Variants in ZCCHC17 observed in about 807,000 individuals in gnomAD.
ZCCHC17 encodes zinc finger CCHC-type containing 17.
ZCCHC17 carries 18 observed loss-of-function variants against 30.6 expected under a neutral mutation model. The ratio of observed to expected loss-of-function variants is 0.59; its 90% CI spans 0.41 to 0.87. The LOEUF is 0.87. ZCCHC17 is among the 40% of genes least tolerant of loss of function. The probability of loss-of-function intolerance (pLI) is 0.00; values close to 1 mark genes in which losing one functional copy is unlikely to be tolerated. For synonymous variants in ZCCHC17, 88 were observed against 92.4 expected (o/e 0.95, Z 0.27); for missense variants, 263 against 284.2 (o/e 0.93, Z 0.54).
intron 5 of ZCCHC17, 91 bp from the exon 6 acceptor site, chr1:31,346,549 A>T: frequency 2.8e-6 from 4 of 1,436,634 alleles, no homozygotes; most frequent in Non-Finnish European, 3.7e-6. Flanking sequence ...TTTCCCTGCC[A>T]AAAACAAAAA....
chr1:31,336,921 G>A (rs1638841117), intron 3 of ZCCHC17, among the ~76,000 whole-genome samples: 1 of 146,876 alleles, frequency 6.8e-6, no homozygotes, highest in African/African-American at 2.5e-5. Context: ...CAATCTGCCC[G>A]CCTCAGCCTT....
intron 1 of ZCCHC17, among the ~76,000 whole-genome samples, chr1:31,297,988 A>C (rs574967026): frequency 6.6e-6 from 1 of 152,322 alleles, no homozygotes; most frequent in East Asian, 1.9e-4. Context: ...TTTAAAACGG[A>C]TGAGATACCA....
intron 5 of ZCCHC17, among the ~76,000 whole-genome samples, chr1:31,341,307 G>A (rs938956912): frequency 4.6e-5 from 7 of 152,204 alleles, no homozygotes; most frequent in African/African-American, 1.4e-4. Flanking sequence ...GTTCAAGTTA[G>A]TGTTGGGAAA....
At chr1:31,336,999 T>G (rs1451828096) in intron 3 of ZCCHC17, 176 bp from the exon 4 acceptor site, 6 of 525,452 alleles carry the variant, frequency 1.1e-5, no homozygotes, top group African/African-American at 9.8e-5. Context: ...TTAAGAATGT[T>G]TGTTGGTTGA....
Position 31,319,167 on chromosome 1 carries a change from G to T in ZCCHC17, c.124+1G>T. ...AAAATCCCAGGCTGTCGGAAGCAAG[G>T]TAGGAGTTTATAACTTGAAATTCAG... is the stretch of plus-strand genomic sequence containing the variant. On this transcript the variant is annotated splice_donor_variant, in intron 3 of 7. Transcript: ENST00000344147. LOFTEE classifies it high-confidence loss of function. 6.2e-7 allele frequency: 1 copy of T among 1,609,874 alleles called. No homozygotes were observed. The highest frequency in any genetic ancestry group is 2.2e-5 in the East Asian group (1 of 44,852).
Position 31,302,942 on chromosome 1 carries a change from C to T in ZCCHC17, c.-56+5867C>T, listed in dbSNP as rs75897218. ...TTTGGGTGAGGACACAAAGCCAAAC[C>T]ATATTCGATTGTGAATTCTTTTTGA... On this transcript the variant is annotated intron_variant, in intron 1 of 7. Transcript: ENST00000344147. Among the ~76,000 whole-genome samples the T allele has an allele frequency of 9.5e-3, 1,451 of 152,278 alleles. 14 individuals carry two copies. Among genetic ancestry groups the T allele is most frequent in the Non-Finnish European group, 0.015 (1,054 of 68,024 alleles).
At chr1:31,338,934 T>C in intron 4 of ZCCHC17, 23 bp from the exon 5 acceptor site, 1 of 1,558,552 alleles carries the variant, frequency 6.4e-7, no homozygotes. Flanking sequence ...AAGTTTTTGG[T>C]GACTTTTTTT....
intron 1 of ZCCHC17, among the ~76,000 whole-genome samples, chr1:31,300,726 A>C (rs1297720416): frequency 2.6e-5 from 4 of 152,098 alleles, no homozygotes. Flanking sequence ...ACCTGAGGTC[A>C]GGAGTTCGAG....
intron 5 of ZCCHC17, among the ~76,000 whole-genome samples, chr1:31,342,326 G>A (rs559169273): frequency 2.0e-4 from 30 of 152,310 alleles, no homozygotes; most frequent in Admixed American, 1.7e-3. Context: ...TTACAGGCAT[G>A]AGCCACTACC....
intron 7 of ZCCHC17, among the ~76,000 whole-genome samples, chr1:31,356,055 G>A (rs1244303701): frequency 1.3e-5 from 2 of 152,122 alleles, no homozygotes; most frequent in East Asian, 1.9e-4. Flanking sequence ...GTGGAGAGTA[G>A]GAATGCCTGG....
intron 3 of ZCCHC17, among the ~76,000 whole-genome samples, chr1:31,322,607 G>A (rs1158306947): frequency 6.6e-6 from 1 of 152,138 alleles, no homozygotes; most frequent in Non-Finnish European, 1.5e-5. Flanking sequence ...TTGCTTAGGG[G>A]TTTATATGGA....
Position 31,337,254 on chromosome 1 carries a change from G to T in ZCCHC17, c.204G>T (p.Trp68Cys), listed in dbSNP as rs746057876. The change falls in exon 4 of 8, where the codon TGG becomes TGT. Residue 68 changes from tryptophan to cysteine, a missense_variant. By Grantham distance (215) the Trp-to-Cys change is radical (BLOSUM62 -2). Coordinates refer to ENST00000344147, the MANE Select transcript of ZCCHC17 (RefSeq NM_016505.4). Reference protein sequence around the residue: ...SEIVDVGDKVWVKLIGREMKN... With the variant: ...SEIVDVGDKVCVKLIGREMKN... ...TAGTAGATGTTGGAGATAAAGTGTGGGTGAAGCTTATTGGCCGAGAGGTAA... is the reference window on the plus strand; with the variant it reads ...TAGTAGATGTTGGAGATAAAGTGTGTGTGAAGCTTATTGGCCGAGAGGTAA... 6.2e-7 allele frequency: 1 copy of T among 1,614,074 alleles called. No individual in the cohort carries two copies. Among genetic ancestry groups the T allele is most frequent in the South Asian group, 1.1e-5 (1 of 91,076 alleles).
chr1:31,347,040 T>C (rs1639301314), intron 6 of ZCCHC17, among the ~76,000 whole-genome samples: 1 of 152,124 alleles, frequency 6.6e-6, no homozygotes, highest in Admixed American at 6.5e-5. Flanking sequence ...AGTAAGAGTG[T>C]TGGATTATGA....
chr1:31,307,607 A>T (rs1646496202), intron 1 of ZCCHC17, among the ~76,000 whole-genome samples: 1 of 147,214 alleles, frequency 6.8e-6, no homozygotes, highest in African/African-American at 2.5e-5. Context: ...ACGGAGTCTC[A>T]CTGTGTCATC....
intron 1 of ZCCHC17, among the ~76,000 whole-genome samples, chr1:31,308,919 C>T (rs964917170): frequency 5.3e-5 from 8 of 152,000 alleles, no homozygotes; most frequent in African/African-American, 1.9e-4. Flanking sequence ...GTTGTGTATG[C>T]GTATGAATTG....
At chr1:31,355,273 G>T (rs984520412) in intron 7 of ZCCHC17, among the ~76,000 whole-genome samples, 3 of 152,036 alleles carry the variant, frequency 2.0e-5, no homozygotes, top group Admixed American at 2.0e-4. Flanking sequence ...GTGTAGAAGG[G>T]TAAAACTTTC....
intron 2 of ZCCHC17, among the ~76,000 whole-genome samples, chr1:31,311,125 A>G (rs578203486): frequency 6.6e-6 from 1 of 152,080 alleles, no homozygotes; most frequent in African/African-American, 2.4e-5. Context: ...GGGTCTCACT[A>G]TGTTGCCCAG....
At chr1:31,356,405 A>T (rs1639644619) in intron 7 of ZCCHC17, among the ~76,000 whole-genome samples, 1 of 152,222 alleles carries the variant, frequency 6.6e-6, no homozygotes, top group Non-Finnish European at 1.5e-5. Context: ...AGACAATGCA[A>T]AGCCTCTAAG....
chr1:31,347,401 A>G (rs1302919642), intron 6 of ZCCHC17, among the ~76,000 whole-genome samples: 1 of 152,132 alleles, frequency 6.6e-6, no homozygotes, highest in Non-Finnish European at 1.5e-5. Flanking sequence ...TGATTTTTCT[A>G]CAATAACTGG....
Sources: allele counts gnomAD v4.1 joint callset (sites outside exome capture counted in the v4.1 genomes callset), GRCh38; gene constraint gnomAD v4.1.1; transcripts MANE v1.5; gene names NCBI Gene and HGNC (gene_info 2026-07-23, HGNC 2026-07-21).